The following RAMP1 variants were observed in gnomAD, a reference collection of about 807,000 sequenced individuals.
RAMP1 encodes the protein receptor activity modifying protein 1, also known as receptor activity-modifying protein 1.
A neutral mutation model predicts 8.2 loss-of-function variants in RAMP1; 7 were observed. The ratio of observed to expected loss-of-function variants is 0.85; its 90% CI spans 0.49 to 1.60. The LOEUF (loss-of-function observed/expected upper bound fraction) is 1.60. Ranked by LOEUF, RAMP1 falls within the 40% of genes most tolerant of loss-of-function variation. The pLI is 0.00. For missense variants in RAMP1, 192 were observed against 202.4 expected (o/e 0.95, Z 0.31); for synonymous variants, 92 against 84.7 (o/e 1.09, Z -0.47).
At chr2:237,885,797 A>G (rs1267997848) in intron 2 of RAMP1, among the ~76,000 whole-genome samples, 1 of 151,324 alleles carries the variant, frequency 6.6e-6, no homozygotes, top group African/African-American at 2.4e-5. Context: ...CTGTTCCCCC[A>G]CCCTCTGCCC....
intron 2 of RAMP1, among the ~76,000 whole-genome samples, chr2:237,898,969 G>A (rs570512818): frequency 2.3e-4 from 35 of 152,374 alleles, no homozygotes; most frequent in African/African-American, 8.2e-4. Context: ...GGAGAAGCCA[G>A]CCCTGGCTGC....
At chr2:237,901,447 G>A (rs374019758) in intron 2 of RAMP1, among the ~76,000 whole-genome samples, 2 of 152,234 alleles carry the variant, frequency 1.3e-5, no homozygotes, top group African/African-American at 4.8e-5. Context: ...TCCAGAAAAG[G>A]CCTCTTTGAG....
At chr2:237,884,167 C>T (rs62196158) in intron 2 of RAMP1, among the ~76,000 whole-genome samples, 2 of 152,104 alleles carry the variant, frequency 1.3e-5, no homozygotes, top group African/African-American at 2.4e-5. Context: ...TGGGTGTCTT[C>T]CACTCAGCTA....
chr2:237,911,447 A>G (rs2062711164), intron 2 of RAMP1, 81 bp from the exon 3 acceptor site: 1 of 1,549,570 alleles, frequency 6.5e-7, no homozygotes, highest in Non-Finnish European at 8.8e-7. Context: ...ATGAGGGGCC[A>G]CGGTGCAGCA....
At chr2:237,890,469 T>C (rs927129421) in intron 2 of RAMP1, among the ~76,000 whole-genome samples, 1 of 152,216 alleles carries the variant, frequency 6.6e-6, no homozygotes, top group African/African-American at 2.4e-5. Context: ...CCCAAAGTGC[T>C]GGGATTACAG....
chr2:237,902,597 C>T (rs1026050166), intron 2 of RAMP1, among the ~76,000 whole-genome samples: 12 of 152,088 alleles, frequency 7.9e-5, no homozygotes, highest in South Asian at 4.1e-4. Flanking sequence ...CCCAGTTCCA[C>T]GCAGGAGGCC....
upstream of RAMP1, chr2:237,859,566 C>T (rs2062110780): frequency 1.3e-6 from 1 of 771,622 alleles, no homozygotes; most frequent in African/African-American, 1.9e-5. Flanking sequence ...TCCCACCGCT[C>T]CCGCGCCCGC....
chr2:237,866,121 G>A (rs1005581688), intron 1 of RAMP1, among the ~76,000 whole-genome samples: 8 of 151,992 alleles, frequency 5.3e-5, no homozygotes, highest in Non-Finnish European at 5.9e-5. Context: ...CCACCGGCTC[G>A]AGAAACAGCA....
At chr2:237,876,531 G>A (rs2062305445) in intron 1 of RAMP1, among the ~76,000 whole-genome samples, 1 of 152,170 alleles carries the variant, frequency 6.6e-6, no homozygotes, top group South Asian at 2.1e-4. Flanking sequence ...CCTAAACAGG[G>A]AATGCAAAGC....
At chr2:237,874,421 C>T (rs554711944) in intron 1 of RAMP1, among the ~76,000 whole-genome samples, 9 of 152,338 alleles carry the variant, frequency 5.9e-5, no homozygotes, top group Middle Eastern at 3.4e-3. Context: ...GTGCAGACCC[C>T]GCTTCCCAGA....
At chr2:237,860,665 G>A (rs967413760) in intron 1 of RAMP1, among the ~76,000 whole-genome samples, 2 of 149,692 alleles carry the variant, frequency 1.3e-5, no homozygotes, top group African/African-American at 2.4e-5. Context: ...TGGGAAGGCC[G>A]GAGCAGTTGT....
At chr2:237,868,870 A>C (rs1340733450) in intron 1 of RAMP1, among the ~76,000 whole-genome samples, 1 of 152,104 alleles carries the variant, frequency 6.6e-6, no homozygotes, top group African/African-American at 2.4e-5. Context: ...TTCTCTCCCG[A>C]TACTCATTGC....
chr2:237,861,601 A>C (rs1417343707), intron 1 of RAMP1, among the ~76,000 whole-genome samples: 4 of 152,134 alleles, frequency 2.6e-5, no homozygotes, highest in Non-Finnish European at 4.4e-5. Flanking sequence ...TAATCCCAGC[A>C]CTTTGGGAGG....
intron 2 of RAMP1, among the ~76,000 whole-genome samples, chr2:237,902,292 G>GGGA (rs1265907530): frequency 2.1e-5 from 3 of 143,872 alleles, no homozygotes; most frequent in Admixed American, 6.9e-5. Context: ...AGGAGGGATC[G>GGGA]GGAGGAGGAG....
chr2:237,861,140 C>T (rs2062129528), intron 1 of RAMP1, among the ~76,000 whole-genome samples: 1 of 152,138 alleles, frequency 6.6e-6, no homozygotes, highest in South Asian at 2.1e-4. Context: ...TTACTAGTGT[C>T]CAGAGGCTGA....
rs1576546376 is a variant in RAMP1, at chr2:237,886,392, G to A, written c.191+9030G>A. 2.6e-5 allele frequency among the ~76,000 whole-genome samples: 4 copies of A among 152,324 alleles called. No individual in the cohort carries two copies. In the East Asian group the frequency reaches 7.7e-4, roughly 29 times the overall value. On this transcript the variant is annotated intron_variant, in intron 2 of 2. Transcript: ENST00000254661. ...TTGCCTCACTTAACGTGCGCGCCAT[G>A]GTGGGTTCTGATGAGGATCCCCAGA...
chr2:237,891,147 G>A (rs1364986616), intron 2 of RAMP1, among the ~76,000 whole-genome samples: 1 of 150,348 alleles, frequency 6.7e-6, no homozygotes, highest in Admixed American at 6.6e-5. Flanking sequence ...TTTTTTCATT[G>A]TATTCTCTTT....
intron 1 of RAMP1, among the ~76,000 whole-genome samples, chr2:237,868,662 G>C (rs181568090): frequency 6.7e-6 from 1 of 149,458 alleles, no homozygotes; most frequent in East Asian, 2.0e-4. Context: ...ATTTCTTTTT[G>C]TTCTTTGCTG....
At position 237,878,132 on chromosome 2, in the gene RAMP1, A is replaced by G. The variant is rs2062328770; in HGVS notation, c.191+770A>G. The G allele has an allele frequency of 2.0e-6, 2 of 985,452 alleles. No individual in the cohort carries two copies. Among genetic ancestry groups the G allele is most frequent in the Non-Finnish European group, 2.4e-6 (2 of 829,926 alleles). 61.0% of individuals were successfully genotyped at this position (985,452 alleles called of 1,614,324 possible). A position where few individuals can be genotyped will look rare whatever the true frequency, so the allele number is the denominator to read the frequency against. ...GGGTGAGTAGCGGGGTCAGCAGTGC[A>G]TGCGTGGAGCTGAAGGCCACCGCCT... is the stretch of plus-strand genomic sequence containing the variant. On this transcript the variant is annotated intron_variant, in intron 2 of 2. Transcript: ENST00000254661. The surrounding 1 kb of genome is among the most constrained non-coding windows in gnomAD (Gnocchi z 5.7).
Sources: gnomAD v4.1 joint callset for allele counts (sites outside exome capture counted in the v4.1 genomes callset) on GRCh38, gnomAD v4.1.1 for gene constraint, Gnocchi (gnomAD v3.1) non-coding constraint, MANE v1.5 for transcripts, NCBI Gene and HGNC (gene_info 2026-07-23, HGNC 2026-07-21) for gene names.